The following CCDC13 variants were observed in gnomAD, a reference collection of about 807,000 sequenced individuals.
CCDC13 encodes coiled-coil domain-containing protein 13.
In CCDC13, 70 loss-of-function variants were observed where a neutral mutation model predicts 87.3. The ratio of observed to expected loss-of-function variants is 0.80; its 90% CI spans 0.66 to 0.98. The LOEUF is 0.98. Among genes scored for constraint, CCDC13 ranks in the 50% least tolerant of loss-of-function variants. The pLI is 0.00. For missense variants in CCDC13, 842 were observed against 892.0 expected (o/e 0.94, Z 0.71); for synonymous variants, 317 against 360.3 (o/e 0.88, Z 1.36).
intron 10 of CCDC13, among the ~76,000 whole-genome samples, chr3:42,734,865 C>T (rs1698955238): frequency 6.6e-6 from 1 of 152,238 alleles, no homozygotes; most frequent in Non-Finnish European, 1.5e-5. Context: ...AAGCTGTGCC[C>T]TCAAGGCACC....
In CCDC13 at chr3:42,730,476, A is replaced by C; in HGVS notation, c.1709T>G (p.Leu570Arg). Residue 570 changes from leucine to arginine, a missense_variant, in exon 13 of 16, where the codon CTG becomes CGG. Physicochemically the swap from Leu to Arg is moderately radical, Grantham distance 102. Coordinates refer to ENST00000310232, the MANE Select transcript of CCDC13 (RefSeq NM_144719.4). ...RDRLTEFVTV[L>R]QKRVEESNSK... The stretch of plus-strand genomic sequence containing the variant: ...GGGTGCCATGTGTTACCGTTTCTGC[A>C]GGACAGTGACAAACTCGGTGAGCCG... 1.2e-6 allele frequency: 2 copies of C among 1,613,734 alleles called. No individual in the cohort carries two copies. Among genetic ancestry groups the C allele is most frequent in the Non-Finnish European group, 1.7e-6 (2 of 1,179,650 alleles).
chr3:42,736,579 G>A (rs1161576061), intron 9 of CCDC13, among the ~76,000 whole-genome samples: 3 of 152,134 alleles, frequency 2.0e-5, no homozygotes, highest in South Asian at 4.1e-4. Flanking sequence ...CCAGCCCTGC[G>A]ACTTATTTTT....
chr3:42,745,844 C>T, intron 7 of CCDC13, 79 bp downstream of exon 7: 1 of 1,167,212 alleles, frequency 8.6e-7, no homozygotes, highest in South Asian at 1.3e-5. Context: ...GCTTAGGTCT[C>T]TAAGGGGGTC....
intron 1 of CCDC13, among the ~76,000 whole-genome samples, chr3:42,765,847 C>T (rs1699920757): frequency 6.6e-6 from 1 of 152,126 alleles, no homozygotes; most frequent in South Asian, 2.1e-4. Flanking sequence ...GGCCAGAGGG[C>T]AGGGCACATT....
chr3:42,705,381 G>A (rs1252184152), downstream of CCDC13, among the ~76,000 whole-genome samples: 1 of 152,154 alleles, frequency 6.6e-6, no homozygotes, highest in Non-Finnish European at 1.5e-5. Flanking sequence ...GAGCCAGGCT[G>A]CAACCTTGCC....
chr3:42,745,649 A>T (rs1042500236), intron 7 of CCDC13: 1 of 284,066 alleles, frequency 3.5e-6, no homozygotes, highest in African/African-American at 2.2e-5. Flanking sequence ...AGATGCCTGG[A>T]GTAAAATAAA....
At chr3:42,725,687 T>A (rs1698670463) in intron 13 of CCDC13, among the ~76,000 whole-genome samples, 1 of 151,980 alleles carries the variant, frequency 6.6e-6, no homozygotes, top group Admixed American at 6.6e-5. Flanking sequence ...CATTCATGTG[T>A]TCAGGGAATC....
intron 2 of CCDC13, among the ~76,000 whole-genome samples, chr3:42,757,487 C>CT (rs1699730369): frequency 6.6e-6 from 1 of 152,206 alleles, no homozygotes; most frequent in Admixed American, 6.5e-5. Context: ...AATCCCAGCA[C>CT]TTTGGGAAGC....
intron 1 of CCDC13, among the ~76,000 whole-genome samples, chr3:42,761,828 C>T (rs1456989485): frequency 1.3e-5 from 2 of 152,122 alleles, no homozygotes; most frequent in African/African-American, 4.8e-5. Context: ...TGTTCCTATA[C>T]CTCCTTCTCC....
chr3:42,742,867 C>T (rs370263817), intron 8 of CCDC13, 29 bp downstream of exon 8: 7 of 1,611,896 alleles, frequency 4.3e-6, no homozygotes, highest in Non-Finnish European at 5.1e-6. Flanking sequence ...TTCCCACATG[C>T]CCAGCTGACC....
intron 7 of CCDC13, chr3:42,745,058 A>G (rs1699355814): frequency 6.6e-6 from 1 of 152,116 alleles, no homozygotes; most frequent in African/African-American, 2.4e-5. Context: ...ACTATCATCT[A>G]TTAGCTTCTT....
chr3:42,709,951 C>T (rs764057661), intron 14 of CCDC13, among the ~76,000 whole-genome samples, 153 bp from the exon 15 acceptor site: 5 of 152,070 alleles, frequency 3.3e-5, no homozygotes, highest in African/African-American at 1.2e-4. Context: ...CTCTGCCTCC[C>T]TCCGAAGCCC....
intron 1 of CCDC13, among the ~76,000 whole-genome samples, chr3:42,772,477 C>G (rs766809554): frequency 6.6e-6 from 1 of 152,016 alleles, no homozygotes; most frequent in South Asian, 2.1e-4. Flanking sequence ...ACCCCTTGCC[C>G]CATCGGCCTG....
chr3:42,758,303 A>G lies in CCDC13; in HGVS notation c.43T>C (p.Phe15Leu). 1.2e-6 allele frequency: 2 copies of G among 1,613,138 alleles called. No homozygotes were observed. Among genetic ancestry groups the G allele is most frequent in the South Asian group, 1.1e-5 (1 of 91,022 alleles). ...ESSQNTLRLQ[F>L]KAMQEMQHKR... The stretch of plus-strand genomic sequence containing the variant: ...TGCTGCATCTCCTGCATTGCCTTGA[A>G]CTGGAGCCGCAAAGTGTTCTGTGAG... The change falls in exon 2 of 16, where the codon TTC (phenylalanine) becomes CTC (leucine). Residue 15 changes from phenylalanine to leucine, a missense_variant. Transcript: ENST00000310232.
At chr3:42,771,126 T>C (rs1041301816) in intron 1 of CCDC13, 21 of 152,130 alleles carry the variant, frequency 1.4e-4, no homozygotes, top group Admixed American at 5.2e-4. Flanking sequence ...TATTCAGTGA[T>C]GAAAAGAAAT....
At position 42,752,671 on chromosome 3, in the gene CCDC13, C is replaced by T; in HGVS notation, c.417G>A (p.Glu139=). ...AGDVVATKIV[E]LSKKNRLLMA... is the part of the protein sequence containing the mutation. Reference sequence around the variant, plus strand: ...TCAACAGCCGGTTCTTTTTTGATAGCTCCACAATTTTGGTGGCGACCACGT... The same window carrying T: ...TCAACAGCCGGTTCTTTTTTGATAGTTCCACAATTTTGGTGGCGACCACGT... Residue 139 remains glutamate, a synonymous_variant, in exon 4 of 16, where the codon GAG becomes GAA. Transcript: ENST00000310232. 3 of 1,614,228 alleles carry T rather than the reference C, an allele frequency of 1.9e-6. No individual in the cohort carries two copies. The East Asian group carries it at 6.7e-5, about 36-fold the overall frequency.
chr3:42,705,577 C>G (rs1698158469), downstream of CCDC13, among the ~76,000 whole-genome samples: 1 of 152,196 alleles, frequency 6.6e-6, no homozygotes, highest in South Asian at 2.1e-4. Context: ...CTTGCCCCTG[C>G]CCCTCAACCC....
chr3:42,721,212 T>C (rs528547095), intron 13 of CCDC13, among the ~76,000 whole-genome samples: 1 of 152,352 alleles, frequency 6.6e-6, no homozygotes, highest in South Asian at 2.1e-4. Context: ...AACCAAAATT[T>C]CCTAGTCAAT....
intron 14 of CCDC13, among the ~76,000 whole-genome samples, chr3:42,711,630 G>A (rs148684027): frequency 5.0e-4 from 76 of 152,254 alleles, no homozygotes; most frequent in Non-Finnish European, 9.8e-4. Flanking sequence ...GGATCGGCAG[G>A]CCACATCCCC....
Sources: allele counts gnomAD v4.1 joint callset (sites outside exome capture counted in the v4.1 genomes callset), GRCh38; gene constraint gnomAD v4.1.1; transcripts MANE v1.5; gene names NCBI Gene and HGNC (gene_info 2026-07-23, HGNC 2026-07-21).